ITPRIP: variants seen among roughly 807,000 people sequenced by gnomAD.
ITPRIP encodes the protein inositol 1,4,5-trisphosphate receptor interacting protein, also known as inositol 1,4,5-trisphosphate receptor-interacting protein.
ITPRIP carries 32 observed loss-of-function variants against 35.8 expected under a neutral mutation model. The observed-to-expected ratio is 0.89, with a 90% CI of 0.68 to 1.20. The LOEUF (loss-of-function observed/expected upper bound fraction) is 1.20. ITPRIP is among the 50% of genes most tolerant of loss of function. ITPRIP has a pLI of 0.00. For synonymous variants in ITPRIP, 358 were observed against 324.0 expected, an observed-to-expected ratio of 1.11 and a Z score of -1.13; for missense variants, 653 against 735.6, an observed-to-expected ratio of 0.89 and a Z score of 1.30.
At position 104,315,699 on chromosome 10, in the gene ITPRIP, C is replaced by A. The variant is rs780686857; in HGVS notation, c.353G>T (p.Gly118Val). 1 of 1,613,426 alleles carries A rather than the reference C, an allele frequency of 6.2e-7. No individual in the cohort carries two copies. Among genetic ancestry groups the A allele is most frequent in the Admixed American group, 1.7e-5 (1 of 60,032 alleles). The change falls in exon 2 of 2, where the codon GGT becomes GTT. Residue 118 changes from glycine (G) to valine (V), a missense_variant. Transcript: ENST00000337478. The surrounding 1 kb of genome is among the most constrained non-coding windows in gnomAD (Gnocchi z 5.7). ...CAGCCCAGGCAGCTCATCCTCCTCA[C>A]CGCCCAGGCACTCAGGTGAGGGCCC... ...QEGPSPECLGGEEDELPGLGG... is the reference protein window; with the variant it reads ...QEGPSPECLGVEEDELPGLGG...
At chr10:104,337,019 GC>G (rs1221326311) in intron 1 of ITPRIP, among the ~76,000 whole-genome samples, 2 of 152,174 alleles carry the variant, frequency 1.3e-5, no homozygotes, top group Non-Finnish European at 2.9e-5. Context: ...AGGCAGAATG[GC>G]CCAGAGCAGC....
intron 1 of ITPRIP, among the ~76,000 whole-genome samples, chr10:104,321,911 C>G (rs1460462261): frequency 6.6e-6 from 1 of 152,088 alleles, no homozygotes; most frequent in African/African-American, 2.4e-5. Flanking sequence ...GTACGGAGCA[C>G]ATACTGAGCT....
At position 104,333,172 on chromosome 10, in the gene ITPRIP, A is replaced by T. The variant is rs974705706; in HGVS notation, c.-14+5074T>A. On this transcript the variant is annotated intron_variant, in intron 1 of 1. Coordinates refer to ENST00000337478, the MANE Select transcript of ITPRIP (RefSeq NM_001272013.2). This position sits in a 1 kb window ranked among gnomAD's most constrained non-coding sequence, Gnocchi z 4.1. ...GGAGGACCCCTAAGGAGTCCCGTTC[A>T]GAGAACTGAAGGAGACTGCAGCTGT... Among the ~76,000 whole-genome samples, 1 of 152,178 alleles carries T rather than the reference A, an allele frequency of 6.6e-6. No individual in the cohort carries two copies.
chr10:104,322,637 C>T (rs1258130698), intron 1 of ITPRIP, among the ~76,000 whole-genome samples: 1 of 152,162 alleles, frequency 6.6e-6, no homozygotes, highest in Non-Finnish European at 1.5e-5. Flanking sequence ...GTCACAGCAG[C>T]CCACATCCTG....
rs750060192 is a variant in ITPRIP at position 104,315,119 on chromosome 10, G to A, written c.933C>T (p.Ala311=). 3 of 1,614,148 alleles carry A rather than the reference G, an allele frequency of 1.9e-6. No individual in the cohort carries two copies. The East Asian group carries it at 6.7e-5, about 36-fold the overall frequency. The change falls in exon 2 of 2, where the codon GCC becomes GCT. Residue 311 remains alanine, a synonymous_variant. Transcript: ENST00000337478. The surrounding 1 kb of genome is among the most constrained non-coding windows in gnomAD (Gnocchi z 5.7). ...CGTACTTGTGGGCGATGCCCTTCCA[G>A]GCTCTGGTGAGGGCCGTCTGGAACC... ...MKWFQTALTR[A]WKGIAHKYEF...
chr10:104,312,513 G>A lies in ITPRIP; in HGVS notation c.*1895C>T, dbSNP rs2013513556. On this transcript the variant is annotated 3_prime_UTR_variant, in exon 2 of 2. Transcript: ENST00000337478. ...GATGGAATGAGGAGGGTCAGGCTGTGAGGGATTGGGGGTAGCTCCAGGCTG... is the reference window on the plus strand; with the variant it reads ...GATGGAATGAGGAGGGTCAGGCTGTAAGGGATTGGGGGTAGCTCCAGGCTG... 2.1e-6 allele frequency: 1 copy of A among 482,730 alleles called. No individual in the cohort carries two copies. Among genetic ancestry groups the A allele is most frequent in the Non-Finnish European group, 2.7e-6 (1 of 370,294 alleles). The allele number at this position is 482,730 out of a possible 1,614,324, so 29.9% of individuals were successfully genotyped here. A position where few individuals can be genotyped will look rare whatever the true frequency, so the allele number is the denominator to read the frequency against.
rs1268833957 is a variant in ITPRIP, at chr10:104,314,178, T to C, written c.*230A>G. On this transcript the variant is annotated 3_prime_UTR_variant, in exon 2 of 2. Transcript: ENST00000337478. ...AAGTAAACTGCAAGGGATCAGTCCC[T>C]AAACCCAAATAACAGCTTTACCAGC... 1 of 1,354,086 alleles carries C rather than the reference T, an allele frequency of 7.4e-7. No individual in the cohort carries two copies. The highest frequency in any genetic ancestry group is 2.8e-5 in the East Asian group (1 of 35,430). 83.9% of individuals were successfully genotyped at this position (1,354,086 alleles called of 1,614,324 possible).
rs1208097588 is a variant in ITPRIP, at chr10:104,315,629, C to A, written c.423G>T (p.Thr141=). ...LQGLTLPNKA[T]LGHFYERCIR... ...TGCAGCGCTCATAAAAGTGGCCAAG[C>A]GTGGCCTTGTTGGGCAGGGTGAGGC... The change falls in exon 2 of 2, where the codon ACG becomes ACT. Residue 141 remains threonine, a synonymous_variant. Transcript: ENST00000337478. This position sits in a 1 kb window ranked among gnomAD's most constrained non-coding sequence, Gnocchi z 5.7. 1.2e-6 allele frequency: 2 copies of A among 1,612,578 alleles called. No individual in the cohort carries two copies. The highest frequency in any genetic ancestry group is 1.3e-5 in the African/African-American group (1 of 74,954).
rs923755909 is a variant in ITPRIP at position 104,311,462 on chromosome 10, T to G, written c.*2946A>C. 3 of 152,008 alleles carry G rather than the reference T, an allele frequency of 2.0e-5. No individual in the cohort carries two copies. Among genetic ancestry groups the G allele is most frequent in the African/African-American group, 7.3e-5 (3 of 41,318 alleles). The allele number at this position is 152,008 out of a possible 1,614,324, so 9.4% of individuals were successfully genotyped here. A position where few individuals can be genotyped will look rare whatever the true frequency, so the allele number is the denominator to read the frequency against. ...AGCACCATGTAGGTTCAAGGCGGGG[T>G]CGGGGCAATGGACCAGGTTGTCTGG... On this transcript the variant is annotated 3_prime_UTR_variant, in exon 2 of 2. Transcript: ENST00000337478.
rs1045426217 is a variant in ITPRIP at position 104,333,238 on chromosome 10, C to A, written c.-14+5008G>T. 2.6e-5 allele frequency: 4 copies of A among 152,646 alleles called. No homozygotes were observed. The East Asian group carries it at 7.7e-4, about 29-fold the overall frequency. The allele number at this position is 152,646 out of a possible 1,614,324, so 9.5% of individuals were successfully genotyped here. On this transcript the variant is annotated intron_variant, in intron 1 of 1. Transcript: ENST00000337478. This position sits in a 1 kb window ranked among gnomAD's most constrained non-coding sequence, Gnocchi z 4.1. ...TGACCCAAGGCCTAAAGACCCACCA[C>A]CAACTGACACAGCCCAGATCTGAGA...
Position 104,315,594 on chromosome 10 carries a change from GC to G in ITPRIP, c.457del (p.Ala153ProfsTer23), listed in dbSNP as rs752551075. 1 of 1,613,504 alleles carries G rather than the reference GC, an allele frequency of 6.2e-7. No homozygotes were observed. Among genetic ancestry groups the G allele is most frequent in the South Asian group, 1.1e-5 (1 of 91,086 alleles). ...GHFYERCIRG[A>X]TADAARTREF... is the part of the protein sequence containing the mutation. ...CCGGGTACGGGCTGCATCGGCCGTG[GC>G]CCCCCGGATGCAGCGCTCATAAAAG... On this transcript the variant is annotated frameshift_variant, in exon 2 of 2. Transcript: ENST00000337478. LOFTEE classifies it high-confidence loss of function. The surrounding 1 kb of genome is among the most constrained non-coding windows in gnomAD (Gnocchi z 5.7).
chr10:104,310,889 A>C lies in ITPRIP; in HGVS notation c.*3519T>G, dbSNP rs1171560011. ...TGGTGAAGTGCAGATTCTTCTACCT[A>C]ACTTCTCAGGATCCCACTGGAGTCT... On this transcript the variant is annotated 3_prime_UTR_variant, in exon 2 of 2. Coordinates refer to ENST00000337478, the MANE Select transcript of ITPRIP (RefSeq NM_001272013.2). 4 of 152,168 alleles carry C rather than the reference A, an allele frequency of 2.6e-5. No homozygotes were observed. The highest frequency in any genetic ancestry group is 5.9e-5 in the Non-Finnish European group (4 of 68,058). The allele number at this position is 152,168 out of a possible 1,614,324, so 9.4% of individuals were successfully genotyped here.
In ITPRIP at chr10:104,312,627, T is replaced by G. The variant is rs1047164838; in HGVS notation, c.*1781A>C. The G allele has an allele frequency of 1.0e-6, 1 of 985,294 alleles. No homozygotes were observed. The highest frequency in any genetic ancestry group is 1.7e-5 in the African/African-American group (1 of 57,206). The allele number at this position is 985,294 out of a possible 1,614,324, so 61.0% of individuals were successfully genotyped here. A position where few individuals can be genotyped will look rare whatever the true frequency, so the allele number is the denominator to read the frequency against. ...GGCAGGCCCAAGCACATGTTCAGTC[T>G]AATTCCAGCTCACACTGGAAGGCTT... On this transcript the variant is annotated 3_prime_UTR_variant, in exon 2 of 2. Coordinates refer to ENST00000337478, the MANE Select transcript of ITPRIP (RefSeq NM_001272013.2).
chr10:104,327,297 C>A (rs974162913), intron 1 of ITPRIP, among the ~76,000 whole-genome samples: 3 of 152,100 alleles, frequency 2.0e-5, no homozygotes, highest in Non-Finnish European at 4.4e-5. Context: ...CAACCCTGCA[C>A]GTCTCCCCTC....
intron 1 of ITPRIP, among the ~76,000 whole-genome samples, chr10:104,336,775 C>T (rs2014243925): frequency 6.6e-6 from 1 of 152,212 alleles, no homozygotes. Flanking sequence ...AACCTTAGGA[C>T]CCCAAGCTCA....
At chr10:104,335,181 C>T (rs2014213344) in intron 1 of ITPRIP, among the ~76,000 whole-genome samples, 1 of 152,156 alleles carries the variant, frequency 6.6e-6, no homozygotes, top group African/African-American at 2.4e-5. Context: ...TGCCTATCGA[C>T]AGTACATAGT....
Position 104,328,689 on chromosome 10 carries a change from G to C in ITPRIP, c.-14+9557C>G, listed in dbSNP as rs938165962. 6.6e-6 allele frequency among the ~76,000 whole-genome samples: 1 copy of C among 151,918 alleles called. No individual in the cohort carries two copies. The highest frequency in any genetic ancestry group is 1.5e-5 in the Non-Finnish European group (1 of 67,978). On this transcript the variant is annotated intron_variant, in intron 1 of 1. Transcript: ENST00000337478. This position sits in a 1 kb window ranked among gnomAD's most constrained non-coding sequence, Gnocchi z 4.1. The stretch of plus-strand genomic sequence containing the variant: ...CTAGGATGGATGGAATTAAATAAAG[G>C]GCCAGCACCCAGCAGCCACCTTCTG...
chr10:104,315,748 C>A lies in ITPRIP; in HGVS notation c.304G>T (p.Val102Leu). 1 of 1,613,954 alleles carries A rather than the reference C, an allele frequency of 6.2e-7. No individual in the cohort carries two copies. Among genetic ancestry groups the A allele is most frequent in the Non-Finnish European group, 8.5e-7 (1 of 1,180,012 alleles). ...LCMILFLMIE[V>L]WRQDHQEGPS... ...CCCTCCTGGTGGTCCTGCCGCCACACCTCGATCATCAGGAAGAGGATCATG... is the reference window on the plus strand; with the variant it reads ...CCCTCCTGGTGGTCCTGCCGCCACAACTCGATCATCAGGAAGAGGATCATG... The change falls in exon 2 of 2, where the codon GTG (valine) becomes TTG (leucine). Residue 102 changes from valine to leucine, a missense_variant. By Grantham distance (32) the Val-to-Leu change is conservative. Transcript: ENST00000337478. This position sits in a 1 kb window ranked among gnomAD's most constrained non-coding sequence, Gnocchi z 5.7.
intron 1 of ITPRIP, among the ~76,000 whole-genome samples, chr10:104,321,350 A>T (rs2013840115): frequency 6.6e-6 from 1 of 152,074 alleles, no homozygotes. Context: ...TTCACAGCTA[A>T]ACTTAGCCTG....
Sources: gnomAD v4.1 joint callset for allele counts (sites outside exome capture counted in the v4.1 genomes callset) on GRCh38, gnomAD v4.1.1 for gene constraint, Gnocchi (gnomAD v3.1) non-coding constraint, MANE v1.5 for transcripts, NCBI Gene and HGNC (gene_info 2026-07-23, HGNC 2026-07-21) for gene names.